Variants in TSPAN14 observed in about 807,000 individuals in gnomAD.
TSPAN14 encodes the protein tetraspanin 14, also known as tetraspanin-14.
A neutral mutation model predicts 36.6 loss-of-function variants in TSPAN14; 16 were observed. That is an observed-to-expected ratio of 0.44 (90% CI 0.30 to 0.66). The LOEUF is 0.66. TSPAN14 is among the 30% of genes least tolerant of loss of function. The pLI is 0.12. For missense variants in TSPAN14, 231 were observed against 355.1 expected (o/e 0.65, Z 2.81); for synonymous variants, 139 against 143.8 (o/e 0.97, Z 0.24).
intron 2 of TSPAN14, among the ~76,000 whole-genome samples, chr10:80,498,968 G>T (rs947888092): frequency 6.6e-6 from 1 of 152,180 alleles, no homozygotes; most frequent in Non-Finnish European, 1.5e-5. Flanking sequence ...CGTGTGGATT[G>T]TGCAAGACCC....
chr10:80,462,017 G>GATCCTC (rs1319863935), intron 1 of TSPAN14, among the ~76,000 whole-genome samples: 6 of 151,748 alleles, frequency 4.0e-5, no homozygotes, highest in Non-Finnish European at 7.4e-5. Flanking sequence ...TGGCTCAAGT[G>GATCCTC]ATCCTCCCGC....
exon 9 of TSPAN14, chr10:80,522,246 C>T (rs1051680953): frequency 1.3e-5 from 2 of 152,256 alleles, no homozygotes; most frequent in African/African-American, 2.4e-5. Context: ...TGCAGTGGCT[C>T]ACGCCTGTAA....
chr10:80,483,904 CTT>C (rs1278375800), intron 1 of TSPAN14, among the ~76,000 whole-genome samples: 2 of 40,540 alleles, frequency 4.9e-5, no homozygotes, highest in East Asian at 2.3e-3. Context: ...GAGCAAAACT[CTT>C]GTCTCAAAAA....
At chr10:80,489,159 TG>T in intron 1 of TSPAN14, 57 bp from the exon 2 acceptor site, 1 of 1,175,298 alleles carries the variant, frequency 8.5e-7, no homozygotes, top group Non-Finnish European at 1.2e-6. Context: ...TGAGCTGGTT[TG>T]GGGGAAAGGT....
chr10:80,498,634 A>T (rs1411826066), intron 2 of TSPAN14, among the ~76,000 whole-genome samples: 1 of 152,210 alleles, frequency 6.6e-6, no homozygotes, highest in African/African-American at 2.4e-5. Flanking sequence ...CAAGAGAAGG[A>T]GACTCTGTCT....
In TSPAN14 at chr10:80,509,508, C is replaced by T. The variant is rs1358090101; in HGVS notation, c.450+37C>T. 2.5e-6 allele frequency: 4 copies of T among 1,601,036 alleles called. No individual in the cohort carries two copies. Among genetic ancestry groups the T allele is most frequent in the African/African-American group, 1.3e-5 (1 of 74,768 alleles). ...CCCAGCGGGCCCCCGATAGAGCATGCACCTCCCTGTGCTGCCTGGAGCTGA... is the reference window on the plus strand; with the variant it reads ...CCCAGCGGGCCCCCGATAGAGCATGTACCTCCCTGTGCTGCCTGGAGCTGA... On this transcript the variant is annotated intron_variant, in intron 5 of 8. Coordinates refer to ENST00000429989, the Ensembl canonical transcript of TSPAN14. The surrounding 1 kb of genome is among the most constrained non-coding windows in gnomAD (Gnocchi z 4.7).
At chr10:80,490,421 CCCACT>C (rs1847862584) in intron 2 of TSPAN14, among the ~76,000 whole-genome samples, 1 of 152,124 alleles carries the variant, frequency 6.6e-6, no homozygotes, top group South Asian at 2.1e-4. Flanking sequence ...AGGAAGAAAA[CCCACT>C]CCCAAGTTGG....
In TSPAN14 at chr10:80,509,459, C is replaced by T. The variant is rs1184919286; in HGVS notation, c.438C>T (p.Ser146=). The change falls in exon 5 of 9, where the codon TCC becomes TCT. Residue 146 remains serine (S), a synonymous_variant. Transcript: ENST00000429989. This position sits in a 1 kb window ranked among gnomAD's most constrained non-coding sequence, Gnocchi z 4.7. ...TCGATCTGCAAAACCTCATCGACTC[C>T]CTTCAGAAAGCTGTAAGCACCTCCC... is the stretch of plus-strand genomic sequence containing the variant. The T allele has an allele frequency of 6.2e-7, 1 of 1,613,782 alleles. No individual in the cohort carries two copies. The highest frequency in any genetic ancestry group is 1.7e-5 in the Admixed American group (1 of 59,998).
intron 1 of TSPAN14, chr10:80,466,319 A>G (rs1052216936): frequency 6.6e-6 from 1 of 152,128 alleles, no homozygotes; most frequent in Non-Finnish European, 1.5e-5. Flanking sequence ...AGTGGCATGA[A>G]TATGGTTTAG....
At chr10:80,481,076 G>C (rs1847245870) in intron 1 of TSPAN14, among the ~76,000 whole-genome samples, 1 of 152,086 alleles carries the variant, frequency 6.6e-6, no homozygotes, top group South Asian at 2.1e-4. Flanking sequence ...GGGCTCTCCA[G>C]CCAGGGTGAA....
chr10:80,499,099 G>T (rs1848356805), intron 2 of TSPAN14, among the ~76,000 whole-genome samples: 1 of 152,220 alleles, frequency 6.6e-6, no homozygotes, highest in African/African-American at 2.4e-5. Context: ...ACGCTTAAAT[G>T]AAATCTTGCA....
At chr10:80,520,595 A>G (rs1283891863) in exon 9 of TSPAN14, 5 of 531,584 alleles carry the variant, frequency 9.4e-6, no homozygotes, top group Non-Finnish European at 1.9e-5. Flanking sequence ...ACCCTGGTCC[A>G]CCCCCTCTCA....
chr10:80,482,765 C>T (rs1466708472), intron 1 of TSPAN14, among the ~76,000 whole-genome samples: 4 of 102,718 alleles, frequency 3.9e-5, no homozygotes, highest in South Asian at 2.9e-4. Flanking sequence ...GACGGAGTTT[C>T]GCTCTTGTTG....
intron 1 of TSPAN14, among the ~76,000 whole-genome samples, chr10:80,474,126 C>G (rs1846718371): frequency 6.6e-6 from 1 of 152,022 alleles, no homozygotes; most frequent in Non-Finnish European, 1.5e-5. Context: ...AGAGGTGCAG[C>G]AGAAACTCCG....
intron 1 of TSPAN14, among the ~76,000 whole-genome samples, chr10:80,487,509 G>A (rs1847677170): frequency 6.6e-6 from 1 of 152,158 alleles, no homozygotes; most frequent in African/African-American, 2.4e-5. Flanking sequence ...AGGATGCTGA[G>A]GTCCTGAGAG....
intron 1 of TSPAN14, among the ~76,000 whole-genome samples, chr10:80,475,773 G>A (rs984630681): frequency 6.6e-6 from 1 of 152,138 alleles, no homozygotes; most frequent in African/African-American, 2.4e-5. Flanking sequence ...TTTTAGTAGA[G>A]GCAGGGTTTC....
In TSPAN14 at chr10:80,502,995, G is replaced by A. The variant is rs942725649; in HGVS notation, c.82-1733G>A. Among the ~76,000 whole-genome samples the A allele has an allele frequency of 3.3e-5, 5 of 152,136 alleles. No homozygotes were observed. In the East Asian group the frequency reaches 5.8e-4, roughly 18 times the overall value. On this transcript the variant is annotated intron_variant, in intron 2 of 8. Transcript: ENST00000429989. Reference sequence around the variant, plus strand: ...GGTCCCCGAAGCAGGGTGTGTCAGTGGAATGGTTGGAGGAGGAGAGAATGA... The same window carrying A: ...GGTCCCCGAAGCAGGGTGTGTCAGTAGAATGGTTGGAGGAGGAGAGAATGA...
At chr10:80,511,987 A>T (rs962234121) in intron 5 of TSPAN14, among the ~76,000 whole-genome samples, 157 bp from the exon 6 acceptor site, 2 of 151,936 alleles carry the variant, frequency 1.3e-5, no homozygotes, top group Non-Finnish European at 2.9e-5. Flanking sequence ...TTGCCAGCTT[A>T]GCATCTCTGC....
chr10:80,507,261 A>T lies in TSPAN14; in HGVS notation c.166A>T (p.Met56Leu), dbSNP rs147967267. 42 of 1,614,038 alleles carry T rather than the reference A, an allele frequency of 2.6e-5. No homozygotes were observed. The African/African-American group carries it at 4.8e-4, about 18-fold the overall frequency. The stretch of plus-strand genomic sequence containing the variant: ...GTCCGACCTCACCAAAGTGACCCGG[A>T]TGCATGGAATCGACCCTGTGGTGCT... The change falls in exon 4 of 9, where the codon ATG (methionine) becomes TTG (leucine). Residue 56 changes from methionine to leucine, a missense_variant. Transcript: ENST00000429989.
Sources: gnomAD v4.1 joint callset for allele counts (sites outside exome capture counted in the v4.1 genomes callset) on GRCh38, gnomAD v4.1.1 for gene constraint, Gnocchi (gnomAD v3.1) non-coding constraint, MANE v1.5 for transcripts, NCBI Gene and HGNC (gene_info 2026-07-23, HGNC 2026-07-21) for gene names.